Variants in SEC24A observed in about 807,000 individuals in gnomAD.
The protein encoded by SEC24A is protein transport protein Sec24A.
In SEC24A, 93 loss-of-function variants were observed where a neutral mutation model predicts 129.4. The ratio of observed to expected loss-of-function variants is 0.72; its 90% CI spans 0.61 to 0.85. The LOEUF is 0.85. Among genes scored for constraint, SEC24A ranks in the 40% least tolerant of loss-of-function variants. The pLI, the probability that SEC24A is intolerant of heterozygous loss-of-function variation, is 0.00. For missense variants in SEC24A, 1,264 were observed against 1,307.4 expected (o/e 0.97, Z 0.51); for synonymous variants, 460 against 467.3 (o/e 0.98, Z 0.20).
Position 134,676,059 on chromosome 5 carries a change from G to A in SEC24A, c.1188G>A (p.Thr396=), listed in dbSNP as rs750256210. Residue 396 remains threonine (T), a synonymous_variant, in exon 7 of 23, where the codon ACG becomes ACA. Transcript: ENST00000398844. The stretch of plus-strand genomic sequence containing the variant: ...GCACGCTGACTAGCATTCCTCAGAC[G>A]CAGGCCTTATTGAATAAAGCCAAAC... The part of the protein sequence containing the change: ...FRCTLTSIPQ[T]QALLNKAKLP... The A allele has an allele frequency of 2.9e-5, 46 of 1,612,712 alleles. 3 individuals are homozygous for A. The highest frequency in any genetic ancestry group is 1.1e-4 in the South Asian group (10 of 90,940).
At chr5:134,721,387 C>T (rs891692567) in intron 21 of SEC24A, among the ~76,000 whole-genome samples, 6 of 151,328 alleles carry the variant, frequency 4.0e-5, no homozygotes, top group African/African-American at 1.5e-4. Context: ...ACATGGTGAA[C>T]CCCCTTCTCT....
rs1230505268 is a variant in SEC24A at position 134,727,283 on chromosome 5, T to G, written c.*2189T>G. ...TGTAAATTATGAAAGATCCTTGAAT[T>G]TTCTACAGATCTACAACTACTAATG... On this transcript the variant is annotated 3_prime_UTR_variant, in exon 23 of 23. Coordinates refer to ENST00000398844, the MANE Select transcript of SEC24A (RefSeq NM_021982.3). 1 of 152,462 alleles carries G rather than the reference T, an allele frequency of 6.6e-6. No homozygotes were observed. The highest frequency in any genetic ancestry group is 1.5e-5 in the Non-Finnish European group (1 of 67,978). 9.4% of individuals were successfully genotyped at this position (152,462 alleles called of 1,614,324 possible). A position where few individuals can be genotyped will look rare whatever the true frequency, so the allele number is the denominator to read the frequency against.
intron 1 of SEC24A, among the ~76,000 whole-genome samples, chr5:134,659,032 C>G (rs1436188742): frequency 6.8e-6 from 1 of 147,966 alleles, no homozygotes; most frequent in Admixed American, 6.9e-5. Context: ...CCTTCACAAT[C>G]ACTGACCCAT....
chr5:134,690,897 C>T (rs141277331), intron 11 of SEC24A, among the ~76,000 whole-genome samples: 1,879 of 152,228 alleles, frequency 0.012, 42 homozygotes, highest in African/African-American at 0.042. Flanking sequence ...TGCAGTGGCG[C>T]GATCTCAGCT....
chr5:134,713,031 AC>A (rs1319665568), intron 18 of SEC24A, among the ~76,000 whole-genome samples: 1 of 136,830 alleles, frequency 7.3e-6, no homozygotes, highest in East Asian at 2.2e-4. Context: ...TCCCGGGTTC[AC>A]GCCATTCTCC....
intron 12 of SEC24A, chr5:134,693,150 T>G (rs1407849684): frequency 9.1e-6 from 14 of 1,535,294 alleles, no homozygotes; most frequent in East Asian, 2.4e-5. Context: ...ACCCTGTACA[T>G]GCATATATGC....
chr5:134,655,266 C>T (rs1422756945), intron 1 of SEC24A, among the ~76,000 whole-genome samples: 1 of 152,142 alleles, frequency 6.6e-6, no homozygotes, highest in Non-Finnish European at 1.5e-5. Context: ...TCTGAAGCTG[C>T]TGGTTGGGTG....
chr5:134,659,587 C>G (rs1394464214), intron 1 of SEC24A, among the ~76,000 whole-genome samples: 2 of 151,456 alleles, frequency 1.3e-5, no homozygotes, highest in Non-Finnish European at 2.9e-5. Context: ...TGGTGACTAC[C>G]ACAAAACAAG....
chr5:134,715,175 C>T lies in SEC24A; in HGVS notation c.2865+14C>T, dbSNP rs750275588. 53 of 1,603,764 alleles carry T rather than the reference C, an allele frequency of 3.3e-5. 1 individual carries two copies. In the East Asian group the frequency reaches 1.2e-3, roughly 35 times the overall value. On this transcript the variant is annotated intron_variant, in intron 19 of 22. Coordinates refer to ENST00000398844, the MANE Select transcript of SEC24A (RefSeq NM_021982.3). ...CTCTCAGATGAGGTAAGATGGATTGCTTTTTTGTGGTTTTACTTGAAGATT... is the reference window on the plus strand; with the variant it reads ...CTCTCAGATGAGGTAAGATGGATTGTTTTTTTGTGGTTTTACTTGAAGATT...
chr5:134,697,844 G>T, intron 14 of SEC24A, 55 bp from the exon 15 acceptor site: 6 of 1,500,868 alleles, frequency 4.0e-6, no homozygotes, highest in Non-Finnish European at 5.4e-6. Context: ...TAGTTACTTT[G>T]GTGTAGTAGA....
At chr5:134,651,806 G>A (rs1222461631) in intron 1 of SEC24A, among the ~76,000 whole-genome samples, 3 of 151,918 alleles carry the variant, frequency 2.0e-5, no homozygotes, top group African/African-American at 4.8e-5. Context: ...ACAGAGAGTA[G>A]GGATATGGTA....
chr5:134,722,502 G>A (rs905560226), intron 21 of SEC24A, among the ~76,000 whole-genome samples: 2 of 152,080 alleles, frequency 1.3e-5, no homozygotes, highest in South Asian at 2.1e-4. Context: ...TCTGGCAGGC[G>A]AATCGCTTGA....
chr5:134,653,687 A>C (rs1426596292), intron 1 of SEC24A, among the ~76,000 whole-genome samples: 1 of 151,698 alleles, frequency 6.6e-6, no homozygotes, highest in African/African-American at 2.4e-5. Context: ...CAACATAGTG[A>C]GAACCTGTCT....
intron 21 of SEC24A, among the ~76,000 whole-genome samples, chr5:134,721,327 G>T (rs1752620684): frequency 3.3e-5 from 5 of 151,564 alleles, no homozygotes; most frequent in Admixed American, 2.6e-4. Context: ...CACTTTGGGA[G>T]GCCAGGGCGG....
chr5:134,692,761 A>C (rs1309193488), intron 12 of SEC24A, 104 bp downstream of exon 12: 1 of 804,570 alleles, frequency 1.2e-6, no homozygotes, highest in South Asian at 1.5e-5. Flanking sequence ...TGACATTTCT[A>C]AGATGTGTAG....
intron 16 of SEC24A, among the ~76,000 whole-genome samples, chr5:134,704,292 T>C (rs1288436260): frequency 1.3e-5 from 2 of 151,940 alleles, no homozygotes; most frequent in Non-Finnish European, 2.9e-5. Context: ...ATGGTGTGAA[T>C]CTCTTGACCT....
Position 134,679,597 on chromosome 5 carries a change from TC to T in SEC24A, c.1255-3del, listed in dbSNP as rs1751190723. On this transcript the variant is annotated splice_region_variant and splice_polypyrimidine_tract_variant and intron_variant, in intron 7 of 22. Coordinates refer to ENST00000398844, the MANE Select transcript of SEC24A (RefSeq NM_021982.3). ...AAAAATTTAATTCTGTTTTTTTTTTTCCAGCAATTGCCTGTGGTTACCTCCA... is the reference window on the plus strand; with the variant it reads ...AAAAATTTAATTCTGTTTTTTTTTTTCAGCAATTGCCTGTGGTTACCTCCA... 2 of 1,548,754 alleles carry T rather than the reference TC, an allele frequency of 1.3e-6. No homozygotes were observed. The highest frequency in any genetic ancestry group is 1.2e-5 in the South Asian group (1 of 82,002).
At chr5:134,680,172 T>TGAG (rs999371691) in intron 8 of SEC24A, among the ~76,000 whole-genome samples, 1 of 152,164 alleles carries the variant, frequency 6.6e-6, no homozygotes, top group African/African-American at 2.4e-5. Flanking sequence ...TCTCAGTAAT[T>TGAG]GAGGAGGAGG....
intron 5 of SEC24A, 117 bp from the exon 6 acceptor site, chr5:134,674,928 C>T: frequency 8.6e-7 from 1 of 1,161,330 alleles, no homozygotes; most frequent in Non-Finnish European, 1.2e-6. Context: ...ATACATTTTT[C>T]CAGAACCAAA....
Sources: gnomAD v4.1 joint callset for allele counts (sites outside exome capture counted in the v4.1 genomes callset) on GRCh38, gnomAD v4.1.1 for gene constraint, MANE v1.5 for transcripts, NCBI Gene and HGNC (gene_info 2026-07-23, HGNC 2026-07-21) for gene names.